Variants in GRM8 observed in about 807,000 individuals in gnomAD.
The protein encoded by GRM8 is metabotropic glutamate receptor 8.
A neutral mutation model predicts 87.2 loss-of-function variants in GRM8; 47 were observed. The observed-to-expected ratio is 0.54, with a 90% CI of 0.43 to 0.69. The LOEUF (loss-of-function observed/expected upper bound fraction) is 0.69, where lower values mean the gene tolerates loss of function less well. Ranked by LOEUF, GRM8 falls within the 30% of genes least tolerant of loss-of-function variation. The probability of loss-of-function intolerance (pLI) is 0.00; values close to 1 mark genes in which losing one functional copy is unlikely to be tolerated. For synonymous variants in GRM8, 396 were observed against 404.5 expected, an observed-to-expected ratio of 0.98 and a Z score of 0.25; for missense variants, 1,019 against 1,139.2, an observed-to-expected ratio of 0.89 and a Z score of 1.52.
intron 2 of GRM8, among the ~76,000 whole-genome samples, chr7:127,190,923 TA>T (rs1340549618): frequency 6.6e-6 from 1 of 152,204 alleles, no homozygotes; most frequent in Non-Finnish European, 1.5e-5. Context: ...AATGGTCTGG[TA>T]AAACACTTTT....
intron 3 of GRM8, among the ~76,000 whole-genome samples, chr7:126,955,030 T>G (rs922746277): frequency 6.6e-6 from 1 of 152,184 alleles, no homozygotes; most frequent in Non-Finnish European, 1.5e-5. Context: ...AGAATTTTCT[T>G]GCAGTGTTTT....
intron 3 of GRM8, among the ~76,000 whole-genome samples, chr7:126,910,006 T>A (rs1361305153): frequency 6.6e-6 from 1 of 151,888 alleles, no homozygotes; most frequent in Non-Finnish European, 1.5e-5. Flanking sequence ...AAAGACTCTT[T>A]TTTTTTTTAA....
At chr7:126,721,950 G>A (rs964999784) in intron 7 of GRM8, among the ~76,000 whole-genome samples, 4 of 152,034 alleles carry the variant, frequency 2.6e-5, no homozygotes, top group African/African-American at 9.7e-5. Context: ...CCTAATCCCA[G>A]GATTTGAAAG....
At chr7:126,538,667 C>A (rs996238964) in intron 8 of GRM8, among the ~76,000 whole-genome samples, 1 of 151,904 alleles carries the variant, frequency 6.6e-6, no homozygotes, top group African/African-American at 2.4e-5. Context: ...TAGTTTGACA[C>A]CTCGATATTC....
In GRM8 at chr7:127,183,460, G is replaced by A. The variant is rs147806724; in HGVS notation, c.510+59235C>T. Among the ~76,000 whole-genome samples the A allele has an allele frequency of 9.8e-3, 1,493 of 151,740 alleles. 29 individuals carry two copies. Among genetic ancestry groups the A allele is most frequent in the African/African-American group, 0.029 (1,218 of 41,462 alleles). ...TCTAAATAACACATGGAATCAAAGC[G>A]GAAGTCTCAAGAGAAACTGAAAATA... On this transcript the variant is annotated intron_variant, in intron 2 of 10. Transcript: ENST00000339582.
intron 7 of GRM8, among the ~76,000 whole-genome samples, chr7:126,705,331 C>T (rs1245841067): frequency 1.3e-5 from 2 of 152,122 alleles, no homozygotes; most frequent in South Asian, 2.1e-4. Context: ...ACTTGCTAAG[C>T]CCATTACATA....
intron 7 of GRM8, among the ~76,000 whole-genome samples, chr7:126,725,721 A>T (rs995111880): frequency 6.6e-6 from 1 of 152,230 alleles, no homozygotes; most frequent in African/African-American, 2.4e-5. Flanking sequence ...TGCAGGTTGT[A>T]TAAGAAGCAC....
intron 2 of GRM8, among the ~76,000 whole-genome samples, chr7:127,183,785 T>A (rs771873898): frequency 2.0e-5 from 3 of 151,854 alleles, no homozygotes; most frequent in Non-Finnish European, 2.9e-5. Context: ...AAACCTCTAG[T>A]TAGGCTAACC....
chr7:126,788,597 A>C (rs1563188566), intron 6 of GRM8, among the ~76,000 whole-genome samples: 1 of 151,822 alleles, frequency 6.6e-6, no homozygotes, highest in Non-Finnish European at 1.5e-5. Flanking sequence ...GAAATGGTAA[A>C]ATAAAATACA....
chr7:126,568,490 C>T (rs1794430297), intron 8 of GRM8, among the ~76,000 whole-genome samples: 1 of 152,092 alleles, frequency 6.6e-6, no homozygotes, highest in Non-Finnish European at 1.5e-5. Context: ...AAGAAAACTG[C>T]AGAGCTCCTC....
intron 3 of GRM8, among the ~76,000 whole-genome samples, chr7:127,037,661 G>A (rs1234013254): frequency 6.6e-6 from 1 of 152,212 alleles, no homozygotes; most frequent in Non-Finnish European, 1.5e-5. Flanking sequence ...GGAGCAAGGA[G>A]TGGGGGCTAC....
chr7:126,476,562 C>G (rs539374855), intron 9 of GRM8, among the ~76,000 whole-genome samples: 84 of 151,904 alleles, frequency 5.5e-4, no homozygotes, highest in Non-Finnish European at 1.0e-3. Context: ...AAAAGAAACC[C>G]CTGATTTTAA....
At chr7:126,967,145 C>T (rs1809956170) in intron 3 of GRM8, among the ~76,000 whole-genome samples, 1 of 134,964 alleles carries the variant, frequency 7.4e-6, no homozygotes, top group African/African-American at 2.9e-5. Flanking sequence ...TTGGCACTGC[C>T]TTGTTTACTC....
chr7:126,891,737 T>C (rs1214993531), intron 6 of GRM8, among the ~76,000 whole-genome samples: 1 of 152,088 alleles, frequency 6.6e-6, no homozygotes, highest in Non-Finnish European at 1.5e-5. Context: ...GGCTATTCGC[T>C]TAACACATTG....
chr7:126,482,033 T>C (rs1217918181), intron 9 of GRM8, among the ~76,000 whole-genome samples: 1 of 152,006 alleles, frequency 6.6e-6, no homozygotes, highest in Non-Finnish European at 1.5e-5. Context: ...AGATTATGAA[T>C]GGCTAATAAG....
intron 3 of GRM8, among the ~76,000 whole-genome samples, chr7:127,090,678 C>T (rs1211693687): frequency 1.3e-5 from 2 of 151,260 alleles, no homozygotes; most frequent in African/African-American, 4.9e-5. Context: ...AATTCTGATT[C>T]CCGGCTCTCC....
intron 2 of GRM8, among the ~76,000 whole-genome samples, chr7:127,205,268 A>G (rs1338887198): frequency 2.0e-5 from 3 of 152,194 alleles, no homozygotes; most frequent in Admixed American, 6.5e-5. Context: ...CCAAGCATAT[A>G]ACAGTGAACA....
intron 4 of GRM8, 65 bp from the exon 5 acceptor site, chr7:126,904,191 C>A: frequency 7.5e-7 from 1 of 1,341,752 alleles, no homozygotes; most frequent in South Asian, 1.3e-5. Context: ...ATGAATATTA[C>A]AAGACCAGAT....
intron 7 of GRM8, among the ~76,000 whole-genome samples, chr7:126,674,013 C>T (rs1184998523): frequency 6.6e-6 from 1 of 152,136 alleles, no homozygotes; most frequent in East Asian, 1.9e-4. Context: ...TGATTCAGTA[C>T]AATATAAACT....
Sources: allele counts gnomAD v4.1 joint callset (sites outside exome capture counted in the v4.1 genomes callset), GRCh38; gene constraint gnomAD v4.1.1; transcripts MANE v1.5; gene names NCBI Gene and HGNC (gene_info 2026-07-23, HGNC 2026-07-21).